Variants in EPHA7 observed in about 807,000 individuals in gnomAD.
EPHA7 encodes EPH receptor A7, also known as ephrin type-A receptor 7.
A neutral mutation model predicts 112.6 loss-of-function variants in EPHA7; 25 were observed. The observed-to-expected ratio is 0.22, with a 90% CI of 0.16 to 0.31. The LOEUF (loss-of-function observed/expected upper bound fraction) is 0.31, where lower values mean the gene tolerates loss of function less well. Ranked by LOEUF, EPHA7 falls within the 10% of genes least tolerant of loss-of-function variation. EPHA7 has a pLI of 1.00. For missense variants in EPHA7, 962 were observed against 1,212.6 expected, an observed-to-expected ratio of 0.79 and a Z score of 3.07; for synonymous variants, 437 against 406.5, an observed-to-expected ratio of 1.07 and a Z score of -0.90.
At chr6:93,381,171 A>G (rs1020780108) in intron 3 of EPHA7, among the ~76,000 whole-genome samples, 2 of 152,204 alleles carry the variant, frequency 1.3e-5, no homozygotes, top group African/African-American at 4.8e-5. Context: ...TTTAAAATTT[A>G]TCTATTTTTA....
At chr6:93,330,480 A>C (rs1016274225) in intron 5 of EPHA7, among the ~76,000 whole-genome samples, 5 of 151,324 alleles carry the variant, frequency 3.3e-5, no homozygotes, top group Non-Finnish European at 7.4e-5. Flanking sequence ...CTATTTTACT[A>C]TCTGCTTCTA....
At chr6:93,280,027 T>A (rs1277754243) in intron 5 of EPHA7, among the ~76,000 whole-genome samples, 1 of 152,192 alleles carries the variant, frequency 6.6e-6, no homozygotes, top group Non-Finnish European at 1.5e-5. Context: ...AACATATAAT[T>A]TCTCATGACT....
chr6:93,241,040 G>A lies in EPHA7; in HGVS notation c.*2386C>T, dbSNP rs1769667614. 4.7e-6 allele frequency: 1 copy of A among 211,880 alleles called. No individual in the cohort carries two copies. Among genetic ancestry groups the A allele is most frequent in the Non-Finnish European group, 9.6e-6 (1 of 104,550 alleles). 13.1% of individuals were successfully genotyped at this position (211,880 alleles called of 1,614,324 possible). On this transcript the variant is annotated 3_prime_UTR_variant, in exon 17 of 17. Coordinates refer to ENST00000369303, the MANE Select transcript of EPHA7 (RefSeq NM_004440.4). ...AGGCAGATGAGGTATATTGCTGAAGGAAAAATTTATTTTTGAAAAAAACTC... is the reference window on the plus strand; with the variant it reads ...AGGCAGATGAGGTATATTGCTGAAGAAAAAATTTATTTTTGAAAAAAACTC...
intron 5 of EPHA7, among the ~76,000 whole-genome samples, chr6:93,302,101 C>T (rs943888268): frequency 6.6e-6 from 1 of 152,112 alleles, no homozygotes; most frequent in Non-Finnish European, 1.5e-5. Context: ...CCTTGCTCTT[C>T]TCTTCTATAA....
chr6:93,406,687 T>G (rs1778737339), intron 3 of EPHA7, among the ~76,000 whole-genome samples: 1 of 151,948 alleles, frequency 6.6e-6, no homozygotes. Flanking sequence ...CTGTTCAGTA[T>G]AAACTGCAAA....
intron 3 of EPHA7, among the ~76,000 whole-genome samples, chr6:93,389,008 G>GT (rs1360412746): frequency 1.3e-5 from 2 of 151,984 alleles, no homozygotes; most frequent in Non-Finnish European, 2.9e-5. Flanking sequence ...CTGACACTCT[G>GT]TAAGATAGAT....
chr6:93,276,476 G>T (rs1771477179), intron 5 of EPHA7, among the ~76,000 whole-genome samples: 1 of 152,050 alleles, frequency 6.6e-6, no homozygotes, highest in South Asian at 2.1e-4. Context: ...TAAGAGCCAA[G>T]ACCAGCCGAT....
At chr6:93,353,031 C>T (rs1775773563) in intron 5 of EPHA7, among the ~76,000 whole-genome samples, 1 of 151,974 alleles carries the variant, frequency 6.6e-6, no homozygotes, top group Non-Finnish European at 1.5e-5. Context: ...ACAACTAATT[C>T]CCATGACACA....
At chr6:93,296,809 T>C (rs1463311649) in intron 5 of EPHA7, among the ~76,000 whole-genome samples, 1 of 151,856 alleles carries the variant, frequency 6.6e-6, no homozygotes, top group Non-Finnish European at 1.5e-5. Flanking sequence ...TTAAACCAAG[T>C]AGTAATTACT....
At chr6:93,403,312 A>C (rs966569689) in intron 3 of EPHA7, among the ~76,000 whole-genome samples, 3 of 152,088 alleles carry the variant, frequency 2.0e-5, no homozygotes, top group Admixed American at 6.6e-5. Context: ...TATTTATTGG[A>C]AGGCTAAGGT....
At chr6:93,393,263 G>T (rs1304408412) in intron 3 of EPHA7, among the ~76,000 whole-genome samples, 1 of 151,804 alleles carries the variant, frequency 6.6e-6, no homozygotes, top group Non-Finnish European at 1.5e-5. Flanking sequence ...TAGCTTTCCA[G>T]AACCTAGAAT....
chr6:93,330,399 T>C (rs1464756784), intron 5 of EPHA7, among the ~76,000 whole-genome samples: 1 of 151,338 alleles, frequency 6.6e-6, no homozygotes, highest in Non-Finnish European at 1.5e-5. Flanking sequence ...TTATTTCTCT[T>C]ATATAGCTAT....
intron 5 of EPHA7, among the ~76,000 whole-genome samples, chr6:93,280,549 C>T (rs1273027180): frequency 6.6e-6 from 1 of 152,120 alleles, no homozygotes; most frequent in East Asian, 1.9e-4. Flanking sequence ...TGTCTATCTC[C>T]TCAGCTATTC....
intron 5 of EPHA7, among the ~76,000 whole-genome samples, chr6:93,305,579 C>A (rs977805772): frequency 3.9e-5 from 6 of 151,976 alleles, no homozygotes; most frequent in African/African-American, 1.4e-4. Context: ...TTACCAACAA[C>A]TAGTGACTCT....
intron 2 of EPHA7, among the ~76,000 whole-genome samples, 182 bp downstream of exon 2, chr6:93,414,521 C>T (rs1426107682): frequency 6.6e-6 from 1 of 151,762 alleles, no homozygotes; most frequent in Non-Finnish European, 1.5e-5. Context: ...TCCCCAAGTT[C>T]TAAGTATACC....
intron 10 of EPHA7, among the ~76,000 whole-genome samples, chr6:93,258,793 A>T (rs1240935288): frequency 6.6e-6 from 1 of 151,052 alleles, no homozygotes; most frequent in Non-Finnish European, 1.5e-5. Flanking sequence ...TTTATTAAAT[A>T]TTTAAAATCT....
chr6:93,324,498 A>T (rs1029567641), intron 5 of EPHA7, among the ~76,000 whole-genome samples: 2 of 151,372 alleles, frequency 1.3e-5, no homozygotes, highest in African/African-American at 2.4e-5. Flanking sequence ...ATTGGCCTTG[A>T]GGCAAAAATG....
chr6:93,268,697 C>T (rs915083687), intron 7 of EPHA7, among the ~76,000 whole-genome samples: 6 of 151,694 alleles, frequency 4.0e-5, no homozygotes, highest in Admixed American at 1.3e-4. Flanking sequence ...TGAACTTGGA[C>T]TCTGACAGCA....
intron 5 of EPHA7, among the ~76,000 whole-genome samples, chr6:93,351,430 T>C (rs1044608944): frequency 6.6e-6 from 1 of 152,072 alleles, no homozygotes; most frequent in Admixed American, 6.6e-5. Flanking sequence ...GGAGCCCAAC[T>C]TGAGAAACTA....
Sources: gnomAD v4.1 joint callset for allele counts (sites outside exome capture counted in the v4.1 genomes callset) on GRCh38, gnomAD v4.1.1 for gene constraint, MANE v1.5 for transcripts, NCBI Gene and HGNC (gene_info 2026-07-23, HGNC 2026-07-21) for gene names.